ZC3H12B: variants seen among roughly 807,000 people sequenced by gnomAD.
ZC3H12B encodes probable ribonuclease ZC3H12B.
In ZC3H12B, 7 loss-of-function variants were observed where a neutral mutation model predicts 43.9. The ratio of observed to expected loss-of-function variants is 0.16; its 90% confidence interval spans 0.09 to 0.30. The LOEUF is 0.30. Among genes scored for constraint, ZC3H12B ranks in the 10% least tolerant of loss-of-function variants. The pLI is 1.00. For synonymous variants in ZC3H12B, 222 were observed against 241.7 expected (o/e 0.92, Z 0.76); for missense variants, 475 against 670.2 (o/e 0.71, Z 3.22).
the ZC3H12B span, among the ~76,000 whole-genome samples, chrX:65,180,394 TATC>T: frequency 8.9e-6 from 1 of 111,809 alleles, no homozygotes; most frequent in Non-Finnish European, 1.9e-5. Context: ...CCATAGCCAA[TATC>T]ATACTGAATG....
At chrX:65,328,777 A>C in the ZC3H12B span, among the ~76,000 whole-genome samples, 2 of 93,442 alleles carry the variant, frequency 2.1e-5, no homozygotes, top group African/African-American at 8.1e-5. Flanking sequence ...CAATTCCCAC[A>C]TATGAGTGAG....
chrX:65,172,691 A>G, the ZC3H12B span, among the ~76,000 whole-genome samples: 2 of 111,789 alleles, frequency 1.8e-5, no homozygotes, highest in East Asian at 2.8e-4. Context: ...AATCCTTTCT[A>G]CATTGTTTGT....
At chrX:65,307,625 C>T in the ZC3H12B span, among the ~76,000 whole-genome samples, 1 of 111,405 alleles carries the variant, frequency 9.0e-6, no homozygotes, top group Non-Finnish European at 1.9e-5. Context: ...AAAAAATGAC[C>T]AGACCCTTAA....
At chrX:65,076,118 T>C in the ZC3H12B span, among the ~76,000 whole-genome samples, 1 of 111,331 alleles carries the variant, frequency 9.0e-6, no homozygotes, top group Non-Finnish European at 1.9e-5. Context: ...CAGTCTCTAT[T>C]TTATTATTTG....
the ZC3H12B span, among the ~76,000 whole-genome samples, chrX:65,212,543 TTTATATATTATA>T: frequency 1.3e-5 from 1 of 76,062 alleles, no homozygotes; most frequent in Non-Finnish European, 2.3e-5. Context: ...ATAATGTATA[TTTATATATTATA>T]TTATATGTTA....
In ZC3H12B at chrX:65,480,837, A is replaced by G. The variant is rs191492410; in HGVS notation, n.408-7809A>G. On this transcript the variant is annotated intron_variant and non_coding_transcript_variant, in intron 3 of 5. Transcript: ENST00000617377. ...CTCCAGCCTGGGCAACAACAGTGAA[A>G]CTCTGACTCAAAAAAAAAAAAAAAG... is the stretch of plus-strand genomic sequence containing the variant. 1.3e-3 allele frequency among the ~76,000 whole-genome samples: 122 copies of G among 92,728 alleles called. 1 individual carries two copies. Among genetic ancestry groups the G allele is most frequent in the African/African-American group, 7.4e-3 (122 of 16,405 alleles). The allele number at this position is 92,728 out of a possible 115,157, so 80.5% of individuals were successfully genotyped here. A position where few individuals can be genotyped will look rare whatever the true frequency, so the allele number is the denominator to read the frequency against.
chrX:65,224,365 C>G, the ZC3H12B span, among the ~76,000 whole-genome samples: 1 of 112,179 alleles, frequency 8.9e-6, no homozygotes, highest in East Asian at 2.8e-4. Flanking sequence ...TGATGGGTTC[C>G]CCAAAATCTC....
chrX:65,163,497 G>A, the ZC3H12B span, among the ~76,000 whole-genome samples: 11 of 111,160 alleles, frequency 9.9e-5, no homozygotes, highest in African/African-American at 2.3e-4. Flanking sequence ...CCCCAGCCTC[G>A]CTGCCACCTT....
At chrX:65,495,567 A>C (rs2068266935) in intron 1 of ZC3H12B, among the ~76,000 whole-genome samples, 1 of 112,213 alleles carries the variant, frequency 8.9e-6, no homozygotes, top group Non-Finnish European at 1.9e-5. Context: ...TGATTGTAGT[A>C]GAATTGGTAC....
the ZC3H12B span, among the ~76,000 whole-genome samples, chrX:65,248,890 G>A: frequency 9.0e-6 from 1 of 111,530 alleles, no homozygotes; most frequent in Non-Finnish European, 1.9e-5. Context: ...TTTGAAAATT[G>A]CCTATTCATA....
chrX:65,487,278 C>T (rs1370179993), upstream of ZC3H12B, among the ~76,000 whole-genome samples: 6 of 112,659 alleles, frequency 5.3e-5, no homozygotes, highest in South Asian at 1.8e-3. Flanking sequence ...TGGTGGCTCA[C>T]GCCTGTAATC....
Position 65,457,422 on chromosome X carries a change from G to A in ZC3H12B, n.408-31224G>A, listed in dbSNP as rs373383975. ...GAGGAGCCCCTCTGCCTGGCCGGCC[G>A]CCCCGTCCGGGAGGGTGGTGGGGGG... On this transcript the variant is annotated intron_variant and non_coding_transcript_variant, in intron 3 of 5. Transcript: ENST00000617377. Among the ~76,000 whole-genome samples the A allele has an allele frequency of 5.8e-4, 41 of 71,069 alleles. No homozygotes were observed. The East Asian group carries it at 0.015, about 26-fold the overall frequency. 61.7% of individuals were successfully genotyped at this position (71,069 alleles called of 115,157 possible). A position where few individuals can be genotyped will look rare whatever the true frequency, so the allele number is the denominator to read the frequency against.
At chrX:65,063,396 G>A in the ZC3H12B span, among the ~76,000 whole-genome samples, 14 of 111,881 alleles carry the variant, frequency 1.3e-4, no homozygotes, top group African/African-American at 4.2e-4. Context: ...ATTGAAGGCT[G>A]TTTGTGCATC....
intron 3 of ZC3H12B, among the ~76,000 whole-genome samples, chrX:65,442,060 C>T (rs756158713): frequency 1.7e-4 from 18 of 105,645 alleles, no homozygotes; most frequent in Admixed American, 6.4e-4. Context: ...TTTCTACATT[C>T]TTTTTTAGTA....
the ZC3H12B span, among the ~76,000 whole-genome samples, chrX:65,353,275 CAG>C: frequency 2.7e-5 from 3 of 111,337 alleles, no homozygotes; most frequent in Non-Finnish European, 5.7e-5. Context: ...AAAACAAAAA[CAG>C]AGATCACTTC....
chrX:65,330,995 C>T, the ZC3H12B span: 2 of 334,603 alleles, frequency 6.0e-6, no homozygotes, highest in Admixed American at 5.9e-5. Context: ...GCATATTGTT[C>T]CTGAATGACT....
At chrX:65,250,981 C>T in the ZC3H12B span, among the ~76,000 whole-genome samples, 1 of 111,982 alleles carries the variant, frequency 8.9e-6, no homozygotes, top group Non-Finnish European at 1.9e-5. Flanking sequence ...GTTGCCATTG[C>T]TTTTGGTGTT....
intron 2 of ZC3H12B, 68 bp from the exon 5 acceptor site, chrX:65,398,525 T>C (rs1164174647): frequency 9.0e-6 from 1 of 111,358 alleles, no homozygotes; most frequent in Non-Finnish European, 1.9e-5. Flanking sequence ...TGAGTTCTTA[T>C]GAGATCTGAT....
chrX:65,037,100 AGT>A, the ZC3H12B span, among the ~76,000 whole-genome samples: 1 of 110,198 alleles, frequency 9.1e-6, no homozygotes, highest in Admixed American at 9.6e-5. Context: ...GCAATTTACC[AGT>A]TGGGTAAATT....
Sources: allele counts gnomAD v4.1 joint callset (sites outside exome capture counted in the v4.1 genomes callset), GRCh38; gene constraint gnomAD v4.1.1; transcripts MANE v1.5; gene names NCBI Gene and HGNC (gene_info 2026-07-23, HGNC 2026-07-21).